DPP10: variants seen among roughly 807,000 people sequenced by gnomAD.
The protein encoded by DPP10 is dipeptidyl peptidase like 10, also known as inactive dipeptidyl peptidase 10.
In DPP10, 33 loss-of-function variants were observed where a neutral mutation model predicts 120.9. The observed-to-expected ratio is 0.27, with a 90% CI of 0.21 to 0.37. The LOEUF (loss-of-function observed/expected upper bound fraction) is 0.37. DPP10 is among the 10% of genes least tolerant of loss of function. DPP10 has a pLI of 1.00. For missense variants in DPP10, 816 were observed against 942.8 expected (o/e 0.87, Z 1.76); for synonymous variants, 337 against 326.1 (o/e 1.03, Z -0.36).
chr2:115,260,548 T>C (rs1436244073), intron 1 of DPP10, among the ~76,000 whole-genome samples: 1 of 152,178 alleles, frequency 6.6e-6, no homozygotes, highest in Non-Finnish European at 1.5e-5. Context: ...TTACAAGTTT[T>C]TAAAAATCTC....
At chr2:115,604,719 G>A (rs6542276) in intron 5 of DPP10, among the ~76,000 whole-genome samples, 150,440 of 152,238 alleles carry the variant, frequency 0.99, 74,359 homozygotes, top group East Asian at 1. Flanking sequence ...CTGTCTTTCA[G>A]TTTTCTAACA....
chr2:115,093,733 C>T (rs1015169515), intron 1 of DPP10, among the ~76,000 whole-genome samples: 1 of 152,028 alleles, frequency 6.6e-6, no homozygotes, highest in East Asian at 1.9e-4. Flanking sequence ...TGCAGAGACA[C>T]ACACATAAAC....
chr2:115,780,509 T>A (rs1281287455), intron 15 of DPP10, among the ~76,000 whole-genome samples: 1 of 151,818 alleles, frequency 6.6e-6, no homozygotes, highest in Admixed American at 6.6e-5. Context: ...CATTGAATAA[T>A]CTCTGTGGGA....
chr2:115,429,146 A>G (rs1283782461), intron 3 of DPP10, among the ~76,000 whole-genome samples: 3 of 152,150 alleles, frequency 2.0e-5, no homozygotes, highest in Admixed American at 6.5e-5. Context: ...TTTAATAAAT[A>G]AAGGAGGGCA....
In DPP10 at chr2:115,762,620, A is replaced by T. The variant is rs1286626342; in HGVS notation, c.1113+10A>T. 6.2e-7 allele frequency: 1 copy of T among 1,613,004 alleles called. No homozygotes were observed. The highest frequency in any genetic ancestry group is 1.1e-5 in the South Asian group (1 of 91,082). The stretch of plus-strand genomic sequence containing the variant: ...GTGGCTCTCTCAGCAGGTACAGTAT[A>T]GGTGGTCTGTCACATCTTGGCCATT... On this transcript the variant is annotated intron_variant, in intron 12 of 25. Coordinates refer to ENST00000410059, the MANE Select transcript of DPP10 (RefSeq NM_020868.6).
intron 1 of DPP10, among the ~76,000 whole-genome samples, chr2:114,787,072 C>T (rs1294282895): frequency 3.3e-5 from 5 of 152,088 alleles, no homozygotes; most frequent in Non-Finnish European, 5.9e-5. Context: ...GATGCTGATA[C>T]GCATTGGGAA....
At chr2:114,521,720 A>C (rs1685067587) in intron 1 of DPP10, among the ~76,000 whole-genome samples, 1 of 152,090 alleles carries the variant, frequency 6.6e-6, no homozygotes, top group Non-Finnish European at 1.5e-5. Context: ...CAGAAAAATC[A>C]AGCTAGTCTA....
At chr2:115,048,894 C>A (rs1322546884) in intron 1 of DPP10, among the ~76,000 whole-genome samples, 1 of 152,012 alleles carries the variant, frequency 6.6e-6, no homozygotes, top group African/African-American at 2.4e-5. Context: ...ATGTTTCTCC[C>A]TATTTTAACA....
At chr2:114,819,640 T>C (rs762044566) in intron 1 of DPP10, among the ~76,000 whole-genome samples, 2 of 152,206 alleles carry the variant, frequency 1.3e-5, no homozygotes, top group Non-Finnish European at 2.9e-5. Context: ...TTGCAAAAGC[T>C]CAAAATATTC....
chr2:115,571,099 G>A (rs1049118515), intron 5 of DPP10, among the ~76,000 whole-genome samples: 5 of 152,138 alleles, frequency 3.3e-5, no homozygotes, highest in Non-Finnish European at 7.4e-5. Flanking sequence ...TCTCAGTCTA[G>A]TTTTTCTTAC....
chr2:115,727,288 A>G (rs898434195), intron 7 of DPP10, among the ~76,000 whole-genome samples: 6 of 152,122 alleles, frequency 3.9e-5, no homozygotes, highest in African/African-American at 1.2e-4. Context: ...CCACTTATCA[A>G]TTCAAAGGAA....
chr2:114,531,649 T>C (rs947982198), intron 1 of DPP10, among the ~76,000 whole-genome samples: 1 of 151,266 alleles, frequency 6.6e-6, no homozygotes, highest in African/African-American at 2.4e-5. Flanking sequence ...GTTCTGTTTC[T>C]CTTGAGAACC....
chr2:115,198,047 C>G (rs567079482), intron 1 of DPP10, among the ~76,000 whole-genome samples: 2 of 152,178 alleles, frequency 1.3e-5, no homozygotes, highest in African/African-American at 2.4e-5. Flanking sequence ...CATTGCCTCT[C>G]AAACTCTTTC....
chr2:114,467,873 G>T (rs1009268037), intron 1 of DPP10, among the ~76,000 whole-genome samples: 1 of 152,020 alleles, frequency 6.6e-6, no homozygotes, highest in Non-Finnish European at 1.5e-5. Flanking sequence ...AAAAACATTA[G>T]CCAGGCATGG....
At chr2:115,393,184 G>A (rs912840643) in intron 3 of DPP10, among the ~76,000 whole-genome samples, 3 of 151,884 alleles carry the variant, frequency 2.0e-5, no homozygotes, top group Non-Finnish European at 4.4e-5. Context: ...ATGGTAGTGC[G>A]TGCTTGTGAT....
At chr2:114,557,595 T>A (rs185445845) in intron 1 of DPP10, among the ~76,000 whole-genome samples, 36 of 152,250 alleles carry the variant, frequency 2.4e-4, no homozygotes, top group Non-Finnish European at 4.9e-4. Context: ...TAACCATTAG[T>A]ATTTGTGTCA....
At chr2:114,542,641 G>A (rs111674804) in intron 1 of DPP10, among the ~76,000 whole-genome samples, 1 of 152,170 alleles carries the variant, frequency 6.6e-6, no homozygotes. Context: ...TTTGCTAGCC[G>A]TGTGACCCTG....
intron 5 of DPP10, among the ~76,000 whole-genome samples, chr2:115,592,904 G>A (rs1345960907): frequency 1.3e-5 from 2 of 152,278 alleles, no homozygotes; most frequent in East Asian, 1.9e-4. Context: ...CACTGCAGCA[G>A]GCATTTTATA....
chr2:115,720,638 G>A (rs1366676547), intron 7 of DPP10, among the ~76,000 whole-genome samples: 2 of 151,918 alleles, frequency 1.3e-5, no homozygotes, highest in African/African-American at 4.8e-5. Context: ...ATAAAATATA[G>A]CATGTTGGAG....
Sources: allele counts gnomAD v4.1 joint callset (sites outside exome capture counted in the v4.1 genomes callset), GRCh38; gene constraint gnomAD v4.1.1; transcripts MANE v1.5; gene names NCBI Gene and HGNC (gene_info 2026-07-23, HGNC 2026-07-21).